HAS3: variants seen among roughly 807,000 people sequenced by gnomAD.
HAS3 encodes hyaluronan synthase 3.
Under a neutral mutation model 50.3 loss-of-function variants are expected in HAS3, and 27 were observed. That is an observed-to-expected ratio of 0.54 (90% CI 0.40 to 0.74). The LOEUF (loss-of-function observed/expected upper bound fraction) is 0.74, where lower values mean the gene tolerates loss of function less well. Among genes scored for constraint, HAS3 ranks in the 30% least tolerant of loss-of-function variants. The pLI, the probability that HAS3 is intolerant of heterozygous loss-of-function variation, is 0.00. For missense variants in HAS3, 517 were observed against 742.8 expected, an observed-to-expected ratio of 0.70 and a Z score of 3.53; for synonymous variants, 339 against 310.9, an observed-to-expected ratio of 1.09 and a Z score of -0.95.
the HAS3 span, among the ~76,000 whole-genome samples, chr16:69,090,992 A>C: frequency 1.3e-5 from 2 of 152,202 alleles, no homozygotes; most frequent in African/African-American, 4.8e-5. Context: ...ACCAGTAAGG[A>C]GTAGCCAAAC....
In HAS3 at chr16:69,116,595, C is replaced by G. The variant is rs1327717009; in HGVS notation, c.*1329C>G. On this transcript the variant is annotated 3_prime_UTR_variant, in exon 4 of 4. Transcript: ENST00000569188. ...AAGTTGTGACAGTCACTGCATTTGC[C>G]TGCTTCTTTCCAGAAACCAAACTAG... is the stretch of plus-strand genomic sequence containing the variant. 1 of 985,566 alleles carries G rather than the reference C, an allele frequency of 1.0e-6. No homozygotes were observed. Among genetic ancestry groups the G allele is most frequent in the Non-Finnish European group, 1.2e-6 (1 of 829,952 alleles). The allele number at this position is 985,566 out of a possible 1,614,324, so 61.1% of individuals were successfully genotyped here. A position where few individuals can be genotyped will look rare whatever the true frequency, so the allele number is the denominator to read the frequency against.
At chr16:69,084,103 C>T in the HAS3 span, 1 of 153,590 alleles carries the variant, frequency 6.5e-6, no homozygotes, top group South Asian at 2.0e-4. Context: ...GAACTGGCCA[C>T]CCTTGGCTGC....
At chr16:69,110,537 C>T (rs1399940867) in intron 2 of HAS3, among the ~76,000 whole-genome samples, 1 of 152,314 alleles carries the variant, frequency 6.6e-6, no homozygotes, top group East Asian at 1.9e-4. Flanking sequence ...CCCACCTCAT[C>T]CTCCCTAGTA....
At chr16:69,108,565 C>T (rs1335130984) in intron 1 of HAS3, among the ~76,000 whole-genome samples, 2 of 152,260 alleles carry the variant, frequency 1.3e-5, no homozygotes, top group Non-Finnish European at 1.5e-5. Context: ...GCATGCTGCA[C>T]GGGCACTAGG....
In HAS3 at chr16:69,110,010, C is replaced by T. The variant is rs756536611; in HGVS notation, c.615C>T (p.Gly205=). Residue 205 remains glycine, a synonymous_variant, in exon 2 of 4, where the codon GGC becomes GGT. Coordinates refer to ENST00000569188, the MANE Select transcript of HAS3 (RefSeq NM_001199280.2). ...TGTACACGGCCTTCAAGGCCCTCGGCGATTCGGTGGACTACATCCAGGTAA... is the reference window on the plus strand; with the variant it reads ...TGTACACGGCCTTCAAGGCCCTCGGTGATTCGGTGGACTACATCCAGGTAA... ...EVMYTAFKAL[G]DSVDYIQVCD... is the part of the protein sequence containing the mutation. 24 of 1,607,490 alleles carry T rather than the reference C, an allele frequency of 1.5e-5. No homozygotes were observed. Among genetic ancestry groups the T allele is most frequent in the South Asian group, 1.3e-4 (12 of 90,870 alleles).
At position 69,107,550 on chromosome 16, in the gene HAS3, G is replaced by A. The variant is rs140442070; in HGVS notation, c.-1+1763G>A. 12 of 985,502 alleles carry A rather than the reference G, an allele frequency of 1.2e-5. No individual in the cohort carries two copies. The highest frequency in any genetic ancestry group is 3.5e-5 in the African/African-American group (2 of 57,366). 61.0% of individuals were successfully genotyped at this position (985,502 alleles called of 1,614,324 possible). A position where few individuals can be genotyped will look rare whatever the true frequency, so the allele number is the denominator to read the frequency against. ...GATGAGAAGCGTGGCGAGTGCGTTC[G>A]CGGCTGCTTTGACCTGGTGGGCGCC... is the stretch of plus-strand genomic sequence containing the variant. On this transcript the variant is annotated intron_variant, in intron 1 of 3. Transcript: ENST00000569188. The surrounding 1 kb of genome is among the most constrained non-coding windows in gnomAD (Gnocchi z 5.5).
intron 2 of HAS3, among the ~76,000 whole-genome samples, chr16:69,111,689 T>C (rs1016099707): frequency 1.3e-5 from 2 of 152,176 alleles, no homozygotes; most frequent in African/African-American, 2.4e-5. Context: ...TCCTCAGTCA[T>C]GGAGGGAGTT....
At chr16:69,083,530 G>A in the HAS3 span, 56 of 1,612,540 alleles carry the variant, frequency 3.5e-5, no homozygotes, top group South Asian at 1.2e-4. Flanking sequence ...GCTGAAGCAC[G>A]TAGTGTGTCT....
intron 2 of HAS3, among the ~76,000 whole-genome samples, chr16:69,112,000 G>A (rs535831690): frequency 2.6e-5 from 4 of 152,236 alleles, no homozygotes; most frequent in Non-Finnish European, 5.9e-5. Flanking sequence ...GCCAGTGAGC[G>A]CTTGCTGGAT....
chr16:69,106,837 A>C lies in HAS3; in HGVS notation c.-1+1050A>C, dbSNP rs1304771374. ...GAGGGCGGCCGGGCACAAGAGGAGG[A>C]GCCCCGTTGGGCGCACAAGTTTCCA... On this transcript the variant is annotated intron_variant, in intron 1 of 3. Coordinates refer to ENST00000569188, the MANE Select transcript of HAS3 (RefSeq NM_001199280.2). This position sits in a 1 kb window ranked among gnomAD's most constrained non-coding sequence, Gnocchi z 5.5. 1.3e-5 allele frequency: 2 copies of C among 152,088 alleles called. No homozygotes were observed. The highest frequency in any genetic ancestry group is 4.8e-5 in the African/African-American group (2 of 41,404). The allele number at this position is 152,088 out of a possible 1,614,324, so 9.4% of individuals were successfully genotyped here.
At chr16:69,101,820 T>C (rs577405236), upstream of HAS3, among the ~76,000 whole-genome samples, 47 of 152,050 alleles carry the variant, frequency 3.1e-4, no homozygotes, top group African/African-American at 1.1e-3. Flanking sequence ...GGTCTCGCCC[T>C]GTCGCCCAGG....
chr16:69,114,891 C>G lies in HAS3; in HGVS notation c.1287C>G (p.Phe429Leu). Residue 429 changes from phenylalanine (F) to leucine (L), a missense_variant, in exon 4 of 4, where the codon TTC becomes TTG. Phe to Leu is a conservative substitution (Grantham distance 22). Transcript: ENST00000569188. This position sits in a 1 kb window ranked among gnomAD's most constrained non-coding sequence, Gnocchi z 6.4. ...VGIIKATYAC[F>L]LRGNAEMIFM... ...TTATCAAGGCCACCTACGCCTGCTT[C>G]CTTCGGGGCAATGCAGAGATGATCT... 2 of 1,614,132 alleles carry G rather than the reference C, an allele frequency of 1.2e-6. No homozygotes were observed. The highest frequency in any genetic ancestry group is 2.7e-5 in the African/African-American group (2 of 75,058).
upstream of HAS3, among the ~76,000 whole-genome samples, chr16:69,104,628 C>CG (rs1960738986): frequency 1.3e-5 from 2 of 151,948 alleles, no homozygotes; most frequent in South Asian, 4.2e-4. Context: ...TTTGTAGAGA[C>CG]GGGGGAAGTC....
At chr16:69,093,755 C>CCCGACCTCAGGTGATCCG in the HAS3 span, among the ~76,000 whole-genome samples, 1 of 151,834 alleles carries the variant, frequency 6.6e-6, no homozygotes, top group Non-Finnish European at 1.5e-5. Context: ...GTCTCGAACT[C>CCCGACCTCAGGTGATCCG]CCGACCTCAG....
the HAS3 span, among the ~76,000 whole-genome samples, chr16:69,089,723 C>G: frequency 6.6e-6 from 1 of 152,136 alleles, no homozygotes; most frequent in Non-Finnish European, 1.5e-5. Context: ...GCAGACCCCA[C>G]CTTCGGCCCT....
chr16:69,100,228 T>C, the HAS3 span, among the ~76,000 whole-genome samples: 1 of 152,170 alleles, frequency 6.6e-6, no homozygotes, highest in Non-Finnish European at 1.5e-5. Context: ...CTTTGTTTGG[T>C]GGTAGCTGCC....
At chr16:69,096,874 C>T in the HAS3 span, among the ~76,000 whole-genome samples, 2 of 152,020 alleles carry the variant, frequency 1.3e-5, no homozygotes, top group Non-Finnish European at 2.9e-5. Context: ...ACCTCAGCCT[C>T]CCAAAGTGCT....
At chr16:69,097,050 G>A in the HAS3 span, among the ~76,000 whole-genome samples, 1 of 152,190 alleles carries the variant, frequency 6.6e-6, no homozygotes, top group South Asian at 2.1e-4. Context: ...TATTTAGGAG[G>A]CTAAGGTGGG....
At chr16:69,090,209 C>T in the HAS3 span, among the ~76,000 whole-genome samples, 1 of 152,146 alleles carries the variant, frequency 6.6e-6, no homozygotes, top group African/African-American at 2.4e-5. Flanking sequence ...TGGGGCCCAC[C>T]AAGAAGGCGT....
Sources: gnomAD v4.1 joint callset for allele counts (sites outside exome capture counted in the v4.1 genomes callset) on GRCh38, gnomAD v4.1.1 for gene constraint, Gnocchi (gnomAD v3.1) non-coding constraint, MANE v1.5 for transcripts, NCBI Gene and HGNC (gene_info 2026-07-23, HGNC 2026-07-21) for gene names.